Variants in AKR1C8 observed in about 807,000 individuals in gnomAD.
The protein encoded by AKR1C8 is aldo-keto reductase family 1 member C8, also known as aldo-keto reductase family 1 member C-like protein 1.
the AKR1C8 span, among the ~76,000 whole-genome samples, chr10:5,169,692 G>T: frequency 6.6e-6 from 1 of 151,614 alleles, no homozygotes; most frequent in Non-Finnish European, 1.5e-5. Flanking sequence ...CCATCCTGAG[G>T]GTACTACAGT....
chr10:5,172,552 C>A, the AKR1C8 span, among the ~76,000 whole-genome samples: 645 of 152,138 alleles, frequency 4.2e-3, 1 homozygote, highest in Middle Eastern at 6.8e-3. Flanking sequence ...ATTACACAAG[C>A]AAAGATTATT....
chr10:5,116,071 T>C, the AKR1C8 span, among the ~76,000 whole-genome samples: 1 of 152,158 alleles, frequency 6.6e-6, no homozygotes, highest in African/African-American at 2.4e-5. Flanking sequence ...GTAGTCCTGC[T>C]GGATTGGGCT....
At chr10:5,173,246 G>T in the AKR1C8 span, among the ~76,000 whole-genome samples, 28 of 152,056 alleles carry the variant, frequency 1.8e-4, no homozygotes, top group Admixed American at 7.9e-4. Flanking sequence ...TTGATGAAGA[G>T]AAAAATATAA....
the AKR1C8 span, chr10:5,158,798 C>A: frequency 2.2e-6 from 1 of 456,610 alleles, no homozygotes; most frequent in Non-Finnish European, 4.5e-6. Context: ...ATGTGTAATA[C>A]TACATTAATA....
chr10:5,146,015 G>A, the AKR1C8 span, among the ~76,000 whole-genome samples: 3 of 151,910 alleles, frequency 2.0e-5, no homozygotes, highest in East Asian at 5.8e-4. Flanking sequence ...ATACTATGCA[G>A]CCATAAAAAA....
the AKR1C8 span, among the ~76,000 whole-genome samples, chr10:5,173,743 TTTAA>T: frequency 2.0e-5 from 3 of 152,020 alleles, no homozygotes; most frequent in African/African-American, 7.2e-5. Flanking sequence ...TCTGTAAAAT[TTTAA>T]TTAATGAAAA....
At chr10:5,136,841 C>T in the AKR1C8 span, among the ~76,000 whole-genome samples, 1 of 152,054 alleles carries the variant, frequency 6.6e-6, no homozygotes, top group Admixed American at 6.6e-5. Context: ...GGTGTGATAG[C>T]TGTACTAGAA....
chr10:5,119,674 C>T, the AKR1C8 span, among the ~76,000 whole-genome samples: 1 of 152,122 alleles, frequency 6.6e-6, no homozygotes, highest in Non-Finnish European at 1.5e-5. Flanking sequence ...ATAGACTCTG[C>T]TTTCTAATCC....
chr10:5,129,884 T>G, the AKR1C8 span, among the ~76,000 whole-genome samples: 1 of 151,620 alleles, frequency 6.6e-6, no homozygotes, highest in Non-Finnish European at 1.5e-5. Flanking sequence ...TTCAAAAAGA[T>G]AGAGAGAGAC....
At chr10:5,184,755 T>C in the AKR1C8 span, among the ~76,000 whole-genome samples, 44,834 of 152,182 alleles carry the variant, frequency 0.29, 7,270 homozygotes, top group Non-Finnish European at 0.36. Context: ...GTAACATTGA[T>C]ACTTTTAATA....
chr10:5,169,224 C>T, the AKR1C8 span, among the ~76,000 whole-genome samples: 1 of 152,166 alleles, frequency 6.6e-6, no homozygotes, highest in African/African-American at 2.4e-5. Flanking sequence ...AGAAAGGGAG[C>T]TGCAATTTAA....
At chr10:5,169,189 T>G in the AKR1C8 span, among the ~76,000 whole-genome samples, 2 of 152,208 alleles carry the variant, frequency 1.3e-5, no homozygotes, top group African/African-American at 4.8e-5. Flanking sequence ...AGAAGAGAAG[T>G]GATTTCCTTG....
At chr10:5,122,179 G>A in the AKR1C8 span, 3 of 383,302 alleles carry the variant, frequency 7.8e-6, no homozygotes. Flanking sequence ...TGAAAGGCAG[G>A]CGATACTCAC....
the AKR1C8 span, among the ~76,000 whole-genome samples, chr10:5,129,141 A>ACAAATAC: frequency 3.9e-5 from 6 of 152,264 alleles, no homozygotes; most frequent in Middle Eastern, 6.8e-3. Flanking sequence ...TCAAAACTAT[A>ACAAATAC]CAAATACATG....
At chr10:5,183,882 C>T in the AKR1C8 span, among the ~76,000 whole-genome samples, 1 of 152,152 alleles carries the variant, frequency 6.6e-6, no homozygotes, top group Non-Finnish European at 1.5e-5. Flanking sequence ...GCAACAACTG[C>T]ACTCATATGA....
the AKR1C8 span, among the ~76,000 whole-genome samples, chr10:5,118,329 T>G: frequency 9.5e-6 from 1 of 105,456 alleles, no homozygotes; most frequent in South Asian, 2.5e-4. Context: ...TTCTGTTGAC[T>G]TTATGTCTTG....
chr10:5,152,962 C>T, the AKR1C8 span, among the ~76,000 whole-genome samples: 49 of 151,860 alleles, frequency 3.2e-4, no homozygotes, highest in African/African-American at 1.1e-3. Flanking sequence ...GTTCAATGTA[C>T]AAATTTCTTG....
At chr10:5,116,450 C>A in the AKR1C8 span, among the ~76,000 whole-genome samples, 1 of 152,054 alleles carries the variant, frequency 6.6e-6, no homozygotes, top group Non-Finnish European at 1.5e-5. Flanking sequence ...CCACTTCCAC[C>A]CCTTGATTCC....
the AKR1C8 span, among the ~76,000 whole-genome samples, chr10:5,126,607 G>T: frequency 5.9e-5 from 9 of 151,888 alleles, no homozygotes; most frequent in African/African-American, 2.2e-4. Flanking sequence ...GGTATCCCTG[G>T]GTAGGGGATA....
Sources: allele counts gnomAD v4.1 joint callset (sites outside exome capture counted in the v4.1 genomes callset), GRCh38; gene constraint gnomAD v4.1.1; transcripts MANE v1.5; gene names NCBI Gene and HGNC (gene_info 2026-07-23, HGNC 2026-07-21).